Variants in DLC1 observed in about 807,000 individuals in gnomAD.
DLC1 encodes DLC1 Rho GTPase activating protein, also known as rho GTPase-activating protein 7.
DLC1 carries 54 observed loss-of-function variants against 140.3 expected under a neutral mutation model. That is an observed-to-expected ratio of 0.38 (90% CI 0.31 to 0.48). DLC1 has a LOEUF of 0.48. Among genes scored for constraint, DLC1 ranks in the 20% least tolerant of loss-of-function variants. The pLI, the probability that DLC1 is intolerant of heterozygous loss-of-function variation, is 0.96. For synonymous variants in DLC1, 986 were observed against 728.1 expected (o/e 1.35, Z -5.70); for missense variants, 2,536 against 1,907.0 (o/e 1.33, Z -6.14).
At chr8:13,245,074 T>A (rs1053212835) in intron 5 of DLC1, among the ~76,000 whole-genome samples, 1 of 152,204 alleles carries the variant, frequency 6.6e-6, no homozygotes, top group Non-Finnish European at 1.5e-5. Flanking sequence ...GCTGTGTGAT[T>A]TCTAAGGTTA....
intron 5 of DLC1, among the ~76,000 whole-genome samples, chr8:13,254,280 G>C (rs1830124417): frequency 6.7e-6 from 1 of 149,890 alleles, no homozygotes; most frequent in South Asian, 2.2e-4. Context: ...CTAGTCTTGA[G>C]CTTTAAGAGA....
chr8:13,587,326 G>A (rs1258180715), intron 1 of DLC1, among the ~76,000 whole-genome samples: 2 of 151,636 alleles, frequency 1.3e-5, no homozygotes, highest in East Asian at 3.9e-4. Flanking sequence ...AAAAACAGCT[G>A]GAACATATGT....
At chr8:13,415,755 C>T (rs1428382991) in intron 2 of DLC1, among the ~76,000 whole-genome samples, 1 of 148,358 alleles carries the variant, frequency 6.7e-6, no homozygotes, top group Admixed American at 6.7e-5. Context: ...CTTTAAATAA[C>T]TTGAAGAAGA....
At chr8:13,325,120 A>G (rs1046490501) in intron 4 of DLC1, among the ~76,000 whole-genome samples, 2 of 152,170 alleles carry the variant, frequency 1.3e-5, no homozygotes, top group Non-Finnish European at 2.9e-5. Flanking sequence ...AGCCTTCTGT[A>G]ACTTTTGGCA....
At chr8:13,561,883 A>G (rs1195455925) in intron 1 of DLC1, among the ~76,000 whole-genome samples, 1 of 152,246 alleles carries the variant, frequency 6.6e-6, no homozygotes, top group African/African-American at 2.4e-5. Context: ...AAGAAATTAG[A>G]TATCAAAGAC....
intron 1 of DLC1, among the ~76,000 whole-genome samples, chr8:13,522,016 C>A (rs1009020071): frequency 6.6e-6 from 1 of 151,990 alleles, no homozygotes. Flanking sequence ...AAAGGAAAGA[C>A]GGAGAAGGGT....
chr8:13,099,132 C>T (rs1355051000), intron 9 of DLC1, among the ~76,000 whole-genome samples: 1 of 151,752 alleles, frequency 6.6e-6, no homozygotes, highest in African/African-American at 2.4e-5. Flanking sequence ...CAACCATCTC[C>T]AGAACTTTTT....
intron 2 of DLC1, among the ~76,000 whole-genome samples, chr8:13,495,268 G>GA (rs1158946083): frequency 5.3e-5 from 8 of 152,182 alleles, no homozygotes; most frequent in Non-Finnish European, 7.4e-5. Flanking sequence ...ACTTCTTTAA[G>GA]AAAAAATGTC....
At chr8:13,458,281 A>T (rs1300255508) in intron 2 of DLC1, among the ~76,000 whole-genome samples, 1 of 152,204 alleles carries the variant, frequency 6.6e-6, no homozygotes, top group African/African-American at 2.4e-5. Flanking sequence ...CAAGATCCAT[A>T]ATTTTAGAGT....
rs375292398 is a variant in DLC1, at chr8:13,567,714, C to A, written c.-126+36823G>T. 6.2e-5 allele frequency: 96 copies of A among 1,552,064 alleles called. No individual in the cohort carries two copies. The African/African-American group carries it at 1.2e-3, about 20-fold the overall frequency. ...AACATCTTCATACCAAAGACTTTCTCACCCGTATTGGAGAAGCACATCAAG... is the reference window on the plus strand; with the variant it reads ...AACATCTTCATACCAAAGACTTTCTAACCCGTATTGGAGAAGCACATCAAG... On this transcript the variant is annotated intron_variant, in intron 1 of 1. Coordinates refer to the DLC1 transcript ENST00000631382.
At chr8:13,526,189 C>G (rs73665132) in intron 1 of DLC1, among the ~76,000 whole-genome samples, 3,267 of 152,208 alleles carry the variant, frequency 0.021, 133 homozygotes, top group African/African-American at 0.073. Context: ...CTATCGCATA[C>G]AATACCACAC....
chr8:13,581,308 A>C (rs2117445193), intron 1 of DLC1, among the ~76,000 whole-genome samples: 1 of 152,302 alleles, frequency 6.6e-6, no homozygotes, highest in South Asian at 2.1e-4. Context: ...AGAGGAAAAA[A>C]CGGAACCATT....
chr8:13,568,007 C>T lies in DLC1; in HGVS notation c.-126+36530G>A, dbSNP rs558942676. The T allele has an allele frequency of 6.2e-6, 9 of 1,459,584 alleles. 1 individual carries two copies. In the South Asian group the frequency reaches 1.3e-4, roughly 22 times the overall value. The allele number at this position is 1,459,584 out of a possible 1,614,324, so 90.4% of individuals were successfully genotyped here. The stretch of plus-strand genomic sequence containing the variant: ...GTAATTACCATAATTTCTACAGGCA[C>T]TTGGGAAACTAACTTAAGACTTTAC... On this transcript the variant is annotated intron_variant, in intron 1 of 1. Transcript: ENST00000631382.
At chr8:13,353,290 A>T (rs1834760240) in intron 4 of DLC1, 2 of 152,104 alleles carry the variant, frequency 1.3e-5, no homozygotes, top group South Asian at 4.1e-4. Context: ...TTTTTCCCTC[A>T]ACTACATATG....
intron 1 of DLC1, among the ~76,000 whole-genome samples, chr8:13,565,904 A>G (rs1804412265): frequency 6.6e-6 from 1 of 152,232 alleles, no homozygotes; most frequent in Admixed American, 6.5e-5. Context: ...TATCCTGTGT[A>G]ATAGCCTAAG....
intron 2 of DLC1, among the ~76,000 whole-genome samples, chr8:13,452,064 T>A (rs964715472): frequency 6.6e-6 from 1 of 152,148 alleles, no homozygotes; most frequent in Non-Finnish European, 1.5e-5. Context: ...TTTAGCTGCA[T>A]TTGACATCCA....
At chr8:13,541,619 G>C (rs915510205) in intron 1 of DLC1, among the ~76,000 whole-genome samples, 1 of 152,164 alleles carries the variant, frequency 6.6e-6, no homozygotes, top group African/African-American at 2.4e-5. Context: ...GCGCGATCTC[G>C]GCTCACTGCA....
chr8:13,237,424 A>G (rs1585977831), intron 5 of DLC1, among the ~76,000 whole-genome samples: 1 of 151,708 alleles, frequency 6.6e-6, no homozygotes, highest in South Asian at 2.1e-4. Flanking sequence ...ATGAGTTCAT[A>G]TATATATTCT....
chr8:13,519,714 C>T (rs186609167), upstream of DLC1, among the ~76,000 whole-genome samples: 76 of 152,268 alleles, frequency 5.0e-4, no homozygotes, highest in Middle Eastern at 3.4e-3. Context: ...CATTATCCCA[C>T]TTCACTGAAA....
Sources: gnomAD v4.1 joint callset for allele counts (sites outside exome capture counted in the v4.1 genomes callset) on GRCh38, gnomAD v4.1.1 for gene constraint, MANE v1.5 for transcripts, NCBI Gene and HGNC (gene_info 2026-07-23, HGNC 2026-07-21) for gene names.